Variants in SP140L observed in about 807,000 individuals in gnomAD.
SP140L encodes the protein nuclear body protein SP140-like protein.
SP140L carries 64 observed loss-of-function variants against 84.3 expected under a neutral mutation model. That is an observed-to-expected ratio of 0.76 (90% CI 0.62 to 0.94). The LOEUF is 0.94. SP140L is among the 40% of genes least tolerant of loss of function. The pLI is 0.00. For missense variants in SP140L, 628 were observed against 692.5 expected (o/e 0.91, Z 1.05); for synonymous variants, 242 against 236.9 (o/e 1.02, Z -0.20).
chr2:230,392,054 AG>A (rs778840992), intron 11 of SP140L, 32 bp from the exon 12 acceptor site: 1 of 1,612,878 alleles, frequency 6.2e-7, no homozygotes, highest in East Asian at 2.2e-5. Flanking sequence ...GGGAACAAAG[AG>A]GGCTCAGGAT....
At chr2:230,402,401 G>A (rs559867111) in intron 18 of SP140L, among the ~76,000 whole-genome samples, 3 of 152,316 alleles carry the variant, frequency 2.0e-5, no homozygotes, top group Admixed American at 2.0e-4. Flanking sequence ...TAATAAGAAA[G>A]GATCATGCTG....
At chr2:230,401,908 C>T (rs1376202575) in intron 18 of SP140L, 101 bp downstream of exon 18, 1 of 1,282,894 alleles carries the variant, frequency 7.8e-7, no homozygotes, top group Admixed American at 2.1e-5. Context: ...AATAAGCTTG[C>T]ACGAGCAAGG....
intron 14 of SP140L, among the ~76,000 whole-genome samples, chr2:230,397,718 G>A (rs2062115299): frequency 6.6e-6 from 1 of 152,152 alleles, no homozygotes; most frequent in Admixed American, 6.5e-5. Flanking sequence ...GAGGAGGGAT[G>A]CTCAAATAGT....
intron 7 of SP140L, among the ~76,000 whole-genome samples, chr2:230,379,989 C>G (rs1168355962): frequency 6.6e-6 from 1 of 152,152 alleles, no homozygotes; most frequent in East Asian, 1.9e-4. Flanking sequence ...ATCATTCCTG[C>G]TTTATCGCTT....
intron 9 of SP140L, 42 bp downstream of exon 9, chr2:230,385,346 C>G: frequency 6.3e-7 from 1 of 1,580,824 alleles, no homozygotes; most frequent in Middle Eastern, 1.7e-4. Flanking sequence ...CCCTGCAGGT[C>G]AATGCACATG....
chr2:230,336,707 G>T (rs1219098390), intron 2 of SP140L, among the ~76,000 whole-genome samples: 1 of 152,126 alleles, frequency 6.6e-6, no homozygotes, highest in East Asian at 1.9e-4. Flanking sequence ...TAACAGAGAT[G>T]CCTTAACATT....
intron 1 of SP140L, 105 bp from the exon 2 acceptor site, chr2:230,328,652 A>G (rs1010158432): frequency 5.0e-6 from 7 of 1,394,998 alleles, no homozygotes; most frequent in Non-Finnish European, 6.7e-6. Flanking sequence ...TTTTTTGCAC[A>G]TATGCAAGTA....
At position 230,392,176 on chromosome 2, in the gene SP140L, A is replaced by T. The variant is rs551825490; in HGVS notation, c.1054A>T (p.Asn352Tyr). 1.2e-6 allele frequency: 2 copies of T among 1,614,090 alleles called. No homozygotes were observed. Among genetic ancestry groups the T allele is most frequent in the East Asian group, 2.2e-5 (1 of 44,886 alleles). ...CAAAGGAGGCTACGCAAGATCAAAG[A>T]ACTGGAGGCTGAGTGTGCGCTGTGG... ...EIKGGYARSK[N>Y]WRLSVRCGGW... Residue 352 changes from asparagine to tyrosine, a missense_variant, in exon 12 of 19, where the codon AAC becomes TAC. Transcript: ENST00000415673.
At chr2:230,384,550 T>C (rs2061508784) in intron 8 of SP140L, among the ~76,000 whole-genome samples, 1 of 152,214 alleles carries the variant, frequency 6.6e-6, no homozygotes, top group African/African-American at 2.4e-5. Flanking sequence ...CCAGTTTAAG[T>C]GTCTGCCCGG....
chr2:230,382,945 T>C (rs2061456523), intron 7 of SP140L, among the ~76,000 whole-genome samples: 1 of 152,178 alleles, frequency 6.6e-6, no homozygotes, highest in Non-Finnish European at 1.5e-5. Context: ...CACTGATGAG[T>C]TTCTGGGGTC....
intron 2 of SP140L, 89 bp downstream of exon 2, chr2:230,328,920 T>C: frequency 3.4e-6 from 5 of 1,468,492 alleles, no homozygotes; most frequent in Non-Finnish European, 4.5e-6. Context: ...GCCACTGAAA[T>C]TTCCTCTTCC....
intron 13 of SP140L, among the ~76,000 whole-genome samples, chr2:230,394,594 G>A (rs1454033906): frequency 6.6e-6 from 1 of 152,248 alleles, no homozygotes; most frequent in Non-Finnish European, 1.5e-5. Flanking sequence ...GGTGCCAAGA[G>A]TAACTCAGCC....
chr2:230,340,195 T>C (rs1056383702), intron 2 of SP140L, among the ~76,000 whole-genome samples: 6 of 151,798 alleles, frequency 4.0e-5, no homozygotes, highest in African/African-American at 1.5e-4. Flanking sequence ...TGCATATATA[T>C]TTAGGATAGT....
chr2:230,360,219 CA>C (rs2060673844), intron 4 of SP140L, among the ~76,000 whole-genome samples: 1 of 152,078 alleles, frequency 6.6e-6, no homozygotes, highest in South Asian at 2.1e-4. Flanking sequence ...AGCATGTCTG[CA>C]AAACAGGACA....
At chr2:230,339,437 C>T (rs1166333796) in intron 2 of SP140L, among the ~76,000 whole-genome samples, 1 of 151,416 alleles carries the variant, frequency 6.6e-6, no homozygotes. Context: ...TTGATCCTTT[C>T]AAAAAACCAG....
At chr2:230,359,926 A>AAGTTTGGTATTGGTGCTATACCAAACTAC in intron 4 of SP140L, among the ~76,000 whole-genome samples, 1 of 131,846 alleles carries the variant, frequency 7.6e-6, no homozygotes, top group Non-Finnish European at 1.6e-5. Flanking sequence ...TACCAAATTA[A>AAGTTTGGTATTGGTGCTATACCAAACTAC]AGTTTGGTAT....
intron 7 of SP140L, among the ~76,000 whole-genome samples, chr2:230,379,551 A>AT (rs1354264054): frequency 1.3e-5 from 2 of 152,044 alleles, no homozygotes; most frequent in African/African-American, 2.4e-5. Context: ...ACTTAAATCA[A>AT]TTTTTTAAAT....
chr2:230,331,141 A>G (rs956239226), intron 2 of SP140L, among the ~76,000 whole-genome samples: 1 of 144,902 alleles, frequency 6.9e-6, no homozygotes, highest in African/African-American at 2.9e-5. Flanking sequence ...TCCTGAAAGA[A>G]AAAAAAAATC....
At chr2:230,387,465 T>C (rs1403455597) in intron 9 of SP140L, among the ~76,000 whole-genome samples, 2 of 152,198 alleles carry the variant, frequency 1.3e-5, no homozygotes, top group Non-Finnish European at 2.9e-5. Context: ...AGTGGAATTA[T>C]ATTACCAAGC....
Sources: gnomAD v4.1 joint callset for allele counts (sites outside exome capture counted in the v4.1 genomes callset) on GRCh38, gnomAD v4.1.1 for gene constraint, MANE v1.5 for transcripts, NCBI Gene and HGNC (gene_info 2026-07-23, HGNC 2026-07-21) for gene names.